Variants in HTR4 observed in about 807,000 individuals in gnomAD.
HTR4 encodes the protein 5-hydroxytryptamine receptor 4.
Under a neutral mutation model 36.8 loss-of-function variants are expected in HTR4, and 16 were observed. The ratio of observed to expected loss-of-function variants is 0.43; its 90% CI spans 0.29 to 0.66. HTR4 has a LOEUF of 0.66. Ranked by LOEUF, HTR4 falls within the 30% of genes least tolerant of loss-of-function variation. The pLI, the probability that HTR4 is intolerant of heterozygous loss-of-function variation, is 0.13. For missense variants in HTR4, 438 were observed against 490.9 expected (o/e 0.89, Z 1.02); for synonymous variants, 189 against 185.1 (o/e 1.02, Z -0.17).
chr5:148,473,543 G>A (rs962563211), downstream of HTR4, among the ~76,000 whole-genome samples: 1 of 152,156 alleles, frequency 6.6e-6, no homozygotes, highest in African/African-American at 2.4e-5. Context: ...TAGTATCTTA[G>A]TGAATCTCAC....
chr5:148,578,031 T>C (rs1205338784), intron 2 of HTR4, among the ~76,000 whole-genome samples: 1 of 152,014 alleles, frequency 6.6e-6, no homozygotes, highest in East Asian at 1.9e-4. Context: ...ATATATGAAG[T>C]ATGTTATTTA....
chr5:148,491,615 G>A (rs1047654117), intron 6 of HTR4, among the ~76,000 whole-genome samples: 2 of 152,036 alleles, frequency 1.3e-5, no homozygotes, highest in African/African-American at 4.8e-5. Context: ...GTATTCCCAC[G>A]TTGTGACAAC....
At chr5:148,586,727 A>G (rs978796039) in intron 2 of HTR4, among the ~76,000 whole-genome samples, 3 of 152,154 alleles carry the variant, frequency 2.0e-5, no homozygotes, top group African/African-American at 7.2e-5. Context: ...GATCTAATTG[A>G]CTGAATTAAC....
chr5:148,463,930 G>A (rs1321246188), intron 5 of HTR4, among the ~76,000 whole-genome samples: 1 of 151,182 alleles, frequency 6.6e-6, no homozygotes, highest in Non-Finnish European at 1.5e-5. Flanking sequence ...AGCAGACCAA[G>A]GTAGATATAG....
intron 5 of HTR4, among the ~76,000 whole-genome samples, chr5:148,456,367 C>T (rs987786211): frequency 2.0e-5 from 3 of 152,202 alleles, no homozygotes; most frequent in Non-Finnish European, 2.9e-5. Flanking sequence ...CTGTTGCTGG[C>T]TAACTTTATG....
At chr5:148,600,680 A>G (rs1196652105) in intron 2 of HTR4, among the ~76,000 whole-genome samples, 1 of 151,926 alleles carries the variant, frequency 6.6e-6, no homozygotes, top group Non-Finnish European at 1.5e-5. Context: ...GAGGCAAAAG[A>G]TCCGTACGCT....
chr5:148,524,828 T>C (rs1480074972), intron 4 of HTR4, among the ~76,000 whole-genome samples: 1 of 152,168 alleles, frequency 6.6e-6, no homozygotes, highest in African/African-American at 2.4e-5. Context: ...AAAGCCTAAC[T>C]AACAAAACAA....
chr5:148,531,866 G>T (rs1758582403), intron 4 of HTR4, among the ~76,000 whole-genome samples: 1 of 152,130 alleles, frequency 6.6e-6, no homozygotes, highest in Non-Finnish European at 1.5e-5. Context: ...CTCTCAACCA[G>T]GGGTGACTTT....
At chr5:148,499,568 C>T (rs1441608989) in intron 6 of HTR4, among the ~76,000 whole-genome samples, 1 of 152,192 alleles carries the variant, frequency 6.6e-6, no homozygotes, top group African/African-American at 2.4e-5. Context: ...TGTTAGTTCT[C>T]CCTCAGAGCC....
At chr5:148,546,031 C>A (rs2113841141) in intron 4 of HTR4, among the ~76,000 whole-genome samples, 1 of 152,236 alleles carries the variant, frequency 6.6e-6, no homozygotes, top group Middle Eastern at 3.4e-3. Flanking sequence ...AGACTAGGAT[C>A]TCTTTAGGAA....
At chr5:148,549,331 A>G (rs777849569) in intron 3 of HTR4, among the ~76,000 whole-genome samples, 5 of 152,200 alleles carry the variant, frequency 3.3e-5, no homozygotes, top group Non-Finnish European at 5.9e-5. Context: ...ATTTTACACT[A>G]GCAGACTGGC....
chr5:148,646,472 C>A (rs1288252501), intron 1 of HTR4: 2 of 152,174 alleles, frequency 1.3e-5, no homozygotes, highest in African/African-American at 4.8e-5. Context: ...CATGCCAGTG[C>A]AATCTCAAAA....
chr5:148,628,305 C>T (rs920656208), intron 2 of HTR4: 1 of 152,168 alleles, frequency 6.6e-6, no homozygotes, highest in Non-Finnish European at 1.5e-5. Flanking sequence ...TGCCTTTGGG[C>T]AAAATAATGA....
intron 1 of HTR4, among the ~76,000 whole-genome samples, chr5:148,652,075 G>T (rs1437623115): frequency 6.6e-6 from 1 of 152,164 alleles, no homozygotes; most frequent in African/African-American, 2.4e-5. Context: ...AATTTAACTT[G>T]TCAGACAGTG....
chr5:148,480,134 A>T (rs1174836365), downstream of HTR4, among the ~76,000 whole-genome samples: 1 of 152,100 alleles, frequency 6.6e-6, no homozygotes, highest in Non-Finnish European at 1.5e-5. Context: ...CTTCAAATAC[A>T]TTTTTTCATA....
intron 2 of HTR4, among the ~76,000 whole-genome samples, chr5:148,634,029 T>A (rs1300934724): frequency 1.3e-5 from 2 of 152,128 alleles, no homozygotes; most frequent in East Asian, 3.8e-4. Context: ...GAAAACTCAA[T>A]TAAATGACGC....
chr5:148,649,525 A>T (rs1052689762), intron 1 of HTR4, among the ~76,000 whole-genome samples: 5 of 152,194 alleles, frequency 3.3e-5, no homozygotes, highest in Non-Finnish European at 5.9e-5. Flanking sequence ...GGCAGTAGAC[A>T]AGATATTAAA....
intron 6 of HTR4, among the ~76,000 whole-genome samples, chr5:148,489,657 C>T (rs1378367733): frequency 6.6e-6 from 1 of 152,050 alleles, no homozygotes; most frequent in East Asian, 1.9e-4. Flanking sequence ...GATCCAGAGA[C>T]AATATAATTC....
intron 5 of HTR4, chr5:148,462,012 T>C (rs1028689485): frequency 5.3e-5 from 8 of 151,888 alleles, no homozygotes; most frequent in African/African-American, 1.9e-4. Context: ...CTAAATAACA[T>C]ATGGATCAAA....
Sources: gnomAD v4.1 joint callset for allele counts (sites outside exome capture counted in the v4.1 genomes callset) on GRCh38, gnomAD v4.1.1 for gene constraint, MANE v1.5 for transcripts, NCBI Gene and HGNC (gene_info 2026-07-23, HGNC 2026-07-21) for gene names.